FBXO31: variants seen among roughly 807,000 people sequenced by gnomAD.
FBXO31 encodes the protein F-box only protein 31.
Under a neutral mutation model 54.4 loss-of-function variants are expected in FBXO31, and 24 were observed. The ratio of observed to expected loss-of-function variants is 0.44; its 90% CI spans 0.32 to 0.62. The LOEUF is 0.62. FBXO31 is among the 20% of genes least tolerant of loss of function. The pLI, the probability that FBXO31 is intolerant of heterozygous loss-of-function variation, is 0.05. For missense variants in FBXO31, 665 were observed against 787.1 expected, an observed-to-expected ratio of 0.84 and a Z score of 1.86; for synonymous variants, 388 against 335.6, an observed-to-expected ratio of 1.16 and a Z score of -1.71.
intron 1 of FBXO31, among the ~76,000 whole-genome samples, chr16:87,376,328 C>A (rs1465379434): frequency 6.6e-6 from 1 of 151,112 alleles, no homozygotes; most frequent in Non-Finnish European, 1.5e-5. Context: ...GGCTGGAGTG[C>A]AGTGGCGCGA....
rs780573685 is a variant in FBXO31, at chr16:87,334,089, C to T, written c.1194G>A (p.Arg398=). Reference sequence around the variant, plus strand: ...GCTGGGCAGGGCTTGGCTGGGACTCCCGGGGGCCCTGCCGGCCACGACCCT... The same window carrying T: ...GCTGGGCAGGGCTTGGCTGGGACTCTCGGGGGCCCTGCCGGCCACGACCCT... ...AGEGRGRQGP[R]ESQPSPAQPR... Residue 398 remains arginine, a synonymous_variant, in exon 8 of 9, where the codon CGG becomes CGA. Transcript: ENST00000311635. 2 of 1,610,350 alleles carry T rather than the reference C, an allele frequency of 1.2e-6. No homozygotes were observed. Among genetic ancestry groups the T allele is most frequent in the East Asian group, 4.5e-5 (2 of 44,782 alleles).
chr16:87,386,579 G>A (rs1161928228), upstream of FBXO31, among the ~76,000 whole-genome samples: 1 of 152,166 alleles, frequency 6.6e-6, no homozygotes, highest in Non-Finnish European at 1.5e-5. Context: ...GATTACAGGC[G>A]AGTGCCACCA....
Position 87,346,836 on chromosome 16 carries a change from G to T in FBXO31, c.489+338C>A, listed in dbSNP as rs1259853372. Among the ~76,000 whole-genome samples the T allele has an allele frequency of 6.6e-6, 1 of 152,198 alleles. No homozygotes were observed. On this transcript the variant is annotated intron_variant, in intron 3 of 8. Coordinates refer to ENST00000311635, the MANE Select transcript of FBXO31 (RefSeq NM_024735.5). This position sits in a 1 kb window ranked among gnomAD's most constrained non-coding sequence, Gnocchi z 4.2. Reference sequence around the variant, plus strand: ...GCTGGAACATGGGGGGCAAAGACCAGGAACGGAAGGACCTGGCTGAGGGCG... The same window carrying T: ...GCTGGAACATGGGGGGCAAAGACCATGAACGGAAGGACCTGGCTGAGGGCG...
At chr16:87,347,299 G>C in intron 2 of FBXO31, 49 bp from the exon 3 acceptor site, 1 of 1,557,458 alleles carries the variant, frequency 6.4e-7, no homozygotes, top group Non-Finnish European at 8.9e-7. Flanking sequence ...CCAGCGTGCC[G>C]CAGGGAGCCC....
At chr16:87,341,161 C>G (rs947901757) in intron 5 of FBXO31, among the ~76,000 whole-genome samples, 1 of 152,216 alleles carries the variant, frequency 6.6e-6, no homozygotes, top group Non-Finnish European at 1.5e-5. Flanking sequence ...CCACAAGGAG[C>G]ACATGTTGTT....
chr16:87,359,208 G>A (rs1209897514), intron 2 of FBXO31, among the ~76,000 whole-genome samples: 1 of 152,184 alleles, frequency 6.6e-6, no homozygotes, highest in Non-Finnish European at 1.5e-5. Flanking sequence ...ACTTTCAAGG[G>A]GTCAAGAATC....
Position 87,334,286 on chromosome 16 carries a change from C to T in FBXO31, c.997G>A (p.Gly333Ser). The T allele has an allele frequency of 1.3e-6, 2 of 1,567,142 alleles. No homozygotes were observed. The highest frequency in any genetic ancestry group is 1.7e-6 in the Non-Finnish European group (2 of 1,153,712). The part of the protein sequence containing the change: ...GRRARGTKIT[G>S]DPNIPAGQQT... Reference sequence around the variant, plus strand: ...TGCCCAGCGGGGATGTTGGGGTCGCCCTGTGGAGCAGGTGGCAGTCAGCAG... The same window carrying T: ...TGCCCAGCGGGGATGTTGGGGTCGCTCTGTGGAGCAGGTGGCAGTCAGCAG... The change falls in exon 8 of 9, where the codon GGC becomes AGC. Residue 333 changes from glycine (G) to serine (S), a missense_variant and splice_region_variant. Physicochemically the swap from Gly to Ser is moderately conservative, Grantham distance 56 (BLOSUM62 0). Transcript: ENST00000311635.
Position 87,383,705 on chromosome 16 carries a change from G to C in FBXO31, c.40C>G (p.Arg14Gly), listed in dbSNP as rs945401057. ...CGCTGCTGGCGGCGCCGACATCCGC[G>C]CGACGGGCCCACGCCGCAAAGGCGA... is the stretch of plus-strand genomic sequence containing the variant. The part of the protein sequence containing the change: ...CARLCGVGPS[R>G]GCRRRQQRRG... Residue 14 changes from arginine (R) to glycine (G), a missense_variant, in exon 1 of 9, where the codon CGC becomes GGC. By Grantham distance (125) the Arg-to-Gly change is moderately radical. Coordinates refer to ENST00000311635, the MANE Select transcript of FBXO31 (RefSeq NM_024735.5). This position sits in a 1 kb window ranked among gnomAD's most constrained non-coding sequence, Gnocchi z 4.9. 7.9e-7 allele frequency: 1 copy of C among 1,264,478 alleles called. No homozygotes were observed. The highest frequency in any genetic ancestry group is 1.6e-5 in the African/African-American group (1 of 63,644). 78.3% of individuals were successfully genotyped at this position (1,264,478 alleles called of 1,614,324 possible).
At chr16:87,363,375 ACT>A (rs753055919) in intron 1 of FBXO31, among the ~76,000 whole-genome samples, 4 of 151,956 alleles carry the variant, frequency 2.6e-5, no homozygotes, top group Non-Finnish European at 4.4e-5. Flanking sequence ...CAAGAGCAAG[ACT>A]CTGCCTCAAA....
chr16:87,341,126 T>C (rs919951201), intron 5 of FBXO31, among the ~76,000 whole-genome samples: 2 of 152,182 alleles, frequency 1.3e-5, no homozygotes, highest in Admixed American at 6.5e-5. Flanking sequence ...CCTCTCACCC[T>C]CACTCCTGGG....
In FBXO31 at chr16:87,383,574, G is replaced by T; in HGVS notation, c.171C>A (p.Gly57=). Residue 57 remains glycine (G), a synonymous_variant, in exon 1 of 9, where the codon GGC becomes GGA. Coordinates refer to ENST00000311635, the MANE Select transcript of FBXO31 (RefSeq NM_024735.5). The surrounding 1 kb of genome is among the most constrained non-coding windows in gnomAD (Gnocchi z 4.9). Reference sequence around the variant, plus strand: ...AGCAGCGCGGGGGCGGCGGCGAGGGGCCCGCGCACAAGCCGCCCCCGACCC... The same window carrying T: ...AGCAGCGCGGGGGCGGCGGCGAGGGTCCCGCGCACAAGCCGCCCCCGACCC... ...SAGVGGGLCA[G]PSPPPPRCSL... 1 of 1,508,392 alleles carries T rather than the reference G, an allele frequency of 6.6e-7. No individual in the cohort carries two copies. Among genetic ancestry groups the T allele is most frequent in the Non-Finnish European group, 8.8e-7 (1 of 1,134,004 alleles). The allele number at this position is 1,508,392 out of a possible 1,614,324, so 93.4% of individuals were successfully genotyped here. A position where few individuals can be genotyped will look rare whatever the true frequency, so the allele number is the denominator to read the frequency against.
At position 87,383,076 on chromosome 16, in the gene FBXO31, C is replaced by T. The variant is rs887319548; in HGVS notation, c.340+329G>A. Among the ~76,000 whole-genome samples the T allele has an allele frequency of 6.6e-6, 1 of 152,146 alleles. No homozygotes were observed. The highest frequency in any genetic ancestry group is 2.4e-5 in the African/African-American group (1 of 41,450). On this transcript the variant is annotated intron_variant, in intron 1 of 8. Coordinates refer to ENST00000311635, the MANE Select transcript of FBXO31 (RefSeq NM_024735.5). The surrounding 1 kb of genome is among the most constrained non-coding windows in gnomAD (Gnocchi z 4.9). The stretch of plus-strand genomic sequence containing the variant: ...AGACCTCGAGGGATCCCAGCCCCAG[C>T]TCCCGGCACGGCCTCGGCCCCGTGG...
chr16:87,347,278 C>G, intron 2 of FBXO31, 28 bp from the exon 3 acceptor site: 2 of 1,606,152 alleles, frequency 1.2e-6, no homozygotes, highest in South Asian at 1.1e-5. Context: ...GAGCAAGTCT[C>G]TGTGTTAGAC....
intron 1 of FBXO31, among the ~76,000 whole-genome samples, chr16:87,366,834 T>C (rs945018012): frequency 2.0e-5 from 3 of 151,458 alleles, no homozygotes; most frequent in Non-Finnish European, 2.9e-5. Flanking sequence ...CATCTAGGGG[T>C]AGATGGAGCA....
chr16:87,353,132 A>G (rs956177943), intron 2 of FBXO31, among the ~76,000 whole-genome samples: 1 of 151,538 alleles, frequency 6.6e-6, no homozygotes, highest in African/African-American at 2.4e-5. Context: ...GCAGGGGTCC[A>G]CTCCCCGCCT....
Position 87,345,663 on chromosome 16 carries a change from G to A in FBXO31, c.489+1511C>T, listed in dbSNP as rs1905353954. ...TGAACACTCTCTCCTAATTCCAGGA[G>A]AAAGAAAACAAGAAAAAGAAAAAAA... On this transcript the variant is annotated intron_variant, in intron 3 of 8. Transcript: ENST00000311635. This position sits in a 1 kb window ranked among gnomAD's most constrained non-coding sequence, Gnocchi z 4.9. Among the ~76,000 whole-genome samples the A allele has an allele frequency of 6.6e-6, 1 of 152,194 alleles. No homozygotes were observed. Among genetic ancestry groups the A allele is most frequent in the Non-Finnish European group, 1.5e-5 (1 of 68,036 alleles).
At chr16:87,334,368 T>G (rs969893039) in intron 7 of FBXO31, 82 bp from the exon 8 acceptor site, 28 of 1,338,076 alleles carry the variant, frequency 2.1e-5, no homozygotes, top group Non-Finnish European at 2.7e-5. Context: ...CAGATCCACC[T>G]CTGGCTGAGC....
In FBXO31 at chr16:87,330,983, C is replaced by T. The variant is rs1567611656; in HGVS notation, c.*305G>A. 2 of 317,928 alleles carry T rather than the reference C, an allele frequency of 6.3e-6. No individual in the cohort carries two copies. The highest frequency in any genetic ancestry group is 3.6e-5 in the South Asian group (1 of 27,894). The allele number at this position is 317,928 out of a possible 1,614,324, so 19.7% of individuals were successfully genotyped here. ...GAAAACCACCAGCCAGCCCAGGGTG[C>T]GGGAACCCCACCGCTTCAATTCTCA... is the stretch of plus-strand genomic sequence containing the variant. On this transcript the variant is annotated 3_prime_UTR_variant, in exon 9 of 9. Transcript: ENST00000311635.
intron 5 of FBXO31, among the ~76,000 whole-genome samples, chr16:87,341,000 G>A (rs1035994447): frequency 2.0e-5 from 3 of 152,146 alleles, no homozygotes; most frequent in Non-Finnish European, 4.4e-5. Context: ...TGACCAGACA[G>A]TTCATGAAAC....
Sources: allele counts gnomAD v4.1 joint callset (sites outside exome capture counted in the v4.1 genomes callset), GRCh38; gene constraint gnomAD v4.1.1; non-coding constraint Gnocchi (gnomAD v3.1); transcripts MANE v1.5; gene names NCBI Gene and HGNC (gene_info 2026-07-23, HGNC 2026-07-21).